The following ZCCHC7 variants were observed in gnomAD, a reference collection of about 807,000 sequenced individuals.
ZCCHC7 encodes zinc finger CCHC-type containing 7.
In ZCCHC7, 35 loss-of-function variants were observed where a neutral mutation model predicts 52.0. The observed-to-expected ratio is 0.67, with a 90% CI of 0.51 to 0.89. ZCCHC7 has a LOEUF of 0.89. Ranked by LOEUF, ZCCHC7 falls within the 40% of genes least tolerant of loss-of-function variation. ZCCHC7 has a pLI of 0.00. For synonymous variants in ZCCHC7, 217 were observed against 221.5 expected, an observed-to-expected ratio of 0.98 and a Z score of 0.18; for missense variants, 574 against 649.1, an observed-to-expected ratio of 0.88 and a Z score of 1.26.
At chr9:37,282,351 C>G (rs1827997869) in intron 2 of ZCCHC7, among the ~76,000 whole-genome samples, 1 of 152,090 alleles carries the variant, frequency 6.6e-6, no homozygotes, top group Non-Finnish European at 1.5e-5. Context: ...CGCCTGTAAT[C>G]CCAGCACTTT....
At chr9:37,151,111 C>A (rs1820496819) in intron 2 of ZCCHC7, among the ~76,000 whole-genome samples, 1 of 151,786 alleles carries the variant, frequency 6.6e-6, no homozygotes, top group South Asian at 2.1e-4. Flanking sequence ...ACTACAGGCG[C>A]CTGCCACCAC....
At chr9:37,155,571 T>C (rs546102092) in intron 2 of ZCCHC7, among the ~76,000 whole-genome samples, 2 of 152,240 alleles carry the variant, frequency 1.3e-5, no homozygotes, top group African/African-American at 4.8e-5. Context: ...TTAAGTCCAG[T>C]GATTAGATAT....
chr9:37,269,618 CAAAAAAAAAAAAA>C (rs1170865355), intron 2 of ZCCHC7, among the ~76,000 whole-genome samples: 2 of 27,238 alleles, frequency 7.3e-5, no homozygotes, highest in Non-Finnish European at 1.7e-4. Flanking sequence ...GACTCTGTCT[CAAAAAAAAAAAAA>C]AAAAAAAAAA....
At chr9:37,316,279 C>T (rs1445539840) in intron 5 of ZCCHC7, among the ~76,000 whole-genome samples, 3 of 150,964 alleles carry the variant, frequency 2.0e-5, no homozygotes, top group African/African-American at 7.3e-5. Context: ...AGGCTGGTCT[C>T]GAACTCCTAA....
chr9:37,327,083 A>C (rs1588676053), intron 5 of ZCCHC7: 1 of 152,230 alleles, frequency 6.6e-6, no homozygotes, highest in East Asian at 1.9e-4. Flanking sequence ...TATTCTAATC[A>C]CTGTTTTTGT....
intron 2 of ZCCHC7, among the ~76,000 whole-genome samples, chr9:37,298,732 C>G (rs1159328790): frequency 2.0e-5 from 3 of 152,110 alleles, no homozygotes; most frequent in African/African-American, 7.2e-5. Context: ...AAATTGAATC[C>G]TACTGTATTT....
intron 6 of ZCCHC7, among the ~76,000 whole-genome samples, chr9:37,347,468 C>G (rs1204843615): frequency 6.6e-6 from 1 of 152,020 alleles, no homozygotes; most frequent in Non-Finnish European, 1.5e-5. Flanking sequence ...ACCTTTGCAC[C>G]AACCTAATAT....
chr9:37,331,007 G>A (rs769492479), intron 6 of ZCCHC7, among the ~76,000 whole-genome samples: 2 of 151,672 alleles, frequency 1.3e-5, no homozygotes, highest in African/African-American at 2.4e-5. Flanking sequence ...GTTAAGAATC[G>A]AAAAGGACAA....
chr9:37,212,173 G>T (rs368475580), intron 2 of ZCCHC7, among the ~76,000 whole-genome samples: 9 of 151,794 alleles, frequency 5.9e-5, no homozygotes, highest in East Asian at 1.9e-4. Flanking sequence ...TGGGGAGGCG[G>T]AGGAGGCACT....
At chr9:37,330,152 A>G (rs1243204146) in intron 6 of ZCCHC7, among the ~76,000 whole-genome samples, 1 of 151,920 alleles carries the variant, frequency 6.6e-6, no homozygotes, top group African/African-American at 2.4e-5. Context: ...GTTAAACAGA[A>G]TATTGTTTCT....
intron 5 of ZCCHC7, chr9:37,322,124 C>G (rs1445986098): frequency 2.0e-5 from 3 of 152,134 alleles, no homozygotes; most frequent in East Asian, 1.9e-4. Flanking sequence ...TACTAGAAAG[C>G]AGGAAGTAAG....
chr9:37,328,829 G>A (rs1278149985), intron 6 of ZCCHC7, among the ~76,000 whole-genome samples: 1 of 151,890 alleles, frequency 6.6e-6, no homozygotes, highest in African/African-American at 2.4e-5. Context: ...AAGGTGGTTT[G>A]TTTTCACATT....
chr9:37,265,583 G>T (rs1827067450), intron 2 of ZCCHC7, among the ~76,000 whole-genome samples: 1 of 152,104 alleles, frequency 6.6e-6, no homozygotes, highest in African/African-American at 2.4e-5. Context: ...AGTAGTATTT[G>T]CATCTTTTTC....
intron 2 of ZCCHC7, among the ~76,000 whole-genome samples, chr9:37,255,971 A>G (rs1026633056): frequency 6.6e-6 from 1 of 152,126 alleles, no homozygotes; most frequent in African/African-American, 2.4e-5. Flanking sequence ...TCCATGTAAC[A>G]TGTATTTTCT....
chr9:37,292,423 T>A (rs1200475429), intron 2 of ZCCHC7, among the ~76,000 whole-genome samples: 1 of 152,196 alleles, frequency 6.6e-6, no homozygotes, highest in Non-Finnish European at 1.5e-5. Flanking sequence ...ACTAAACTGC[T>A]ATTAAATTCA....
intron 2 of ZCCHC7, among the ~76,000 whole-genome samples, chr9:37,248,132 G>A (rs1706939304): frequency 1.3e-5 from 2 of 152,202 alleles, no homozygotes; most frequent in South Asian, 2.1e-4. Flanking sequence ...CAGCATAAAT[G>A]ATAGTAGAAT....
At chr9:37,177,567 A>T (rs1822109083) in intron 2 of ZCCHC7, among the ~76,000 whole-genome samples, 1 of 152,206 alleles carries the variant, frequency 6.6e-6, no homozygotes, top group South Asian at 2.1e-4. Flanking sequence ...ATATGTCATA[A>T]TGGAGATTAT....
At chr9:37,194,177 G>A (rs1035160716) in intron 2 of ZCCHC7, among the ~76,000 whole-genome samples, 9 of 152,058 alleles carry the variant, frequency 5.9e-5, no homozygotes, top group Admixed American at 3.9e-4. Flanking sequence ...CTAGGATAGT[G>A]GCCTTTAATA....
intron 1 of ZCCHC7, among the ~76,000 whole-genome samples, chr9:37,123,524 A>T (rs1219726870): frequency 6.6e-6 from 1 of 152,146 alleles, no homozygotes; most frequent in Non-Finnish European, 1.5e-5. Flanking sequence ...AGTTTTTATT[A>T]TGGTTCTGTA....
Sources: gnomAD v4.1 joint callset for allele counts (sites outside exome capture counted in the v4.1 genomes callset) on GRCh38, gnomAD v4.1.1 for gene constraint, MANE v1.5 for transcripts, NCBI Gene and HGNC (gene_info 2026-07-23, HGNC 2026-07-21) for gene names.